The following PDE4D variants were observed in gnomAD, a reference collection of about 807,000 sequenced individuals.
PDE4D encodes phosphodiesterase 4D, also known as 3',5'-cyclic-AMP phosphodiesterase 4D.
A neutral mutation model predicts 87.4 loss-of-function variants in PDE4D; 24 were observed. That is an observed-to-expected ratio of 0.27 (90% CI 0.20 to 0.39). The LOEUF (loss-of-function observed/expected upper bound fraction) is 0.39. Ranked by LOEUF, PDE4D falls within the 10% of genes least tolerant of loss-of-function variation. The pLI, the probability that PDE4D is intolerant of heterozygous loss-of-function variation, is 1.00. For synonymous variants in PDE4D, 384 were observed against 383.2 expected (o/e 1.00, Z -0.02); for missense variants, 714 against 1,041.0 (o/e 0.69, Z 4.32).
intron 1 of PDE4D, among the ~76,000 whole-genome samples, chr5:59,456,973 C>A (rs957021142): frequency 2.6e-5 from 4 of 152,102 alleles, no homozygotes; most frequent in African/African-American, 9.7e-5. Flanking sequence ...AAGATGAAAT[C>A]TACTAATGGT....
At chr5:59,875,530 A>G (rs1316006628) in intron 1 of PDE4D, among the ~76,000 whole-genome samples, 2 of 150,194 alleles carry the variant, frequency 1.3e-5, no homozygotes, top group Non-Finnish European at 3.0e-5. Flanking sequence ...ACAGAGTGAG[A>G]ATTCCTCCTT....
At chr5:60,516,097 G>A (rs1163100117) in intron 1 of PDE4D, among the ~76,000 whole-genome samples, 47 of 152,170 alleles carry the variant, frequency 3.1e-4, no homozygotes, top group Non-Finnish European at 1.5e-5. Context: ...GATTAAGCCT[G>A]TTTTGTGAAT....
chr5:59,807,957 A>G (rs1489288387), intron 1 of PDE4D, among the ~76,000 whole-genome samples: 4 of 152,218 alleles, frequency 2.6e-5, no homozygotes, highest in Admixed American at 2.0e-4. Flanking sequence ...AATTTTAAGA[A>G]GCTCTTCAGA....
intron 5 of PDE4D, among the ~76,000 whole-genome samples, chr5:59,109,737 G>A (rs771621629): frequency 6.6e-6 from 1 of 152,152 alleles, no homozygotes; most frequent in Non-Finnish European, 1.5e-5. Context: ...GAGTCCAGAA[G>A]TAAGAGAAGT....
intron 2 of PDE4D, among the ~76,000 whole-genome samples, chr5:59,993,827 A>G (rs936104253): frequency 6.6e-6 from 1 of 152,082 alleles, no homozygotes; most frequent in Non-Finnish European, 1.5e-5. Flanking sequence ...TCAAAATAAA[A>G]GAAATGCTCA....
At chr5:59,402,534 A>C (rs536494935) in intron 1 of PDE4D, among the ~76,000 whole-genome samples, 13 of 152,298 alleles carry the variant, frequency 8.5e-5, no homozygotes, top group Admixed American at 7.8e-4. Context: ...TGTTAAACCT[A>C]TCAAAGATTA....
chr5:60,391,365 T>A (rs1185331415), intron 1 of PDE4D, among the ~76,000 whole-genome samples: 1 of 152,094 alleles, frequency 6.6e-6, no homozygotes, highest in Non-Finnish European at 1.5e-5. Context: ...CAAATTACCA[T>A]TAGTGGCATA....
At chr5:60,397,570 T>C (rs1013047014) in intron 1 of PDE4D, among the ~76,000 whole-genome samples, 3 of 152,158 alleles carry the variant, frequency 2.0e-5, no homozygotes, top group Non-Finnish European at 2.9e-5. Flanking sequence ...ATGGTTTCAC[T>C]CATATGTGAA....
chr5:60,213,910 A>ATGTATT (rs1397242786), intron 1 of PDE4D, among the ~76,000 whole-genome samples: 2 of 152,154 alleles, frequency 1.3e-5, no homozygotes, highest in Non-Finnish European at 2.9e-5. Context: ...AATCATCTTA[A>ATGTATT]TGTATTATAA....
intron 1 of PDE4D, among the ~76,000 whole-genome samples, chr5:59,237,975 T>A (rs1756845252): frequency 6.6e-6 from 1 of 152,172 alleles, no homozygotes; most frequent in Non-Finnish European, 1.5e-5. Flanking sequence ...GGAGGTTACA[T>A]TTATTCCTGA....
chr5:59,750,945 C>CAAAAA (rs34787047), intron 1 of PDE4D, among the ~76,000 whole-genome samples: 11 of 68,742 alleles, frequency 1.6e-4, no homozygotes, highest in African/African-American at 3.9e-4. Flanking sequence ...GACCCTGTCT[C>CAAAAA]AAAAAAAAAA....
At chr5:59,394,502 T>C (rs1185298072) in intron 1 of PDE4D, among the ~76,000 whole-genome samples, 1 of 152,196 alleles carries the variant, frequency 6.6e-6, no homozygotes, top group East Asian at 1.9e-4. Context: ...TGCAATGACA[T>C]TAGTATCAAT....
At chr5:59,235,118 A>G (rs1383559821) in intron 1 of PDE4D, among the ~76,000 whole-genome samples, 1 of 152,126 alleles carries the variant, frequency 6.6e-6, no homozygotes, top group Admixed American at 6.6e-5. Flanking sequence ...TAAATTTGCA[A>G]TGTAATTATG....
intron 2 of PDE4D, among the ~76,000 whole-genome samples, chr5:60,012,111 A>T (rs1765074002): frequency 6.6e-6 from 1 of 152,178 alleles, no homozygotes; most frequent in Non-Finnish European, 1.5e-5. Context: ...TATAAAAATG[A>T]ACAATAATAT....
intron 3 of PDE4D, among the ~76,000 whole-genome samples, chr5:59,945,683 G>A (rs567147903): frequency 6.6e-6 from 1 of 152,214 alleles, no homozygotes; most frequent in Admixed American, 6.5e-5. Context: ...ACCTTGATAA[G>A]ACATAAAAAT....
intron 3 of PDE4D, among the ~76,000 whole-genome samples, chr5:59,920,735 T>C (rs1561862338): frequency 6.6e-6 from 1 of 151,988 alleles, no homozygotes; most frequent in African/African-American, 2.4e-5. Context: ...CTGGAAACCA[T>C]CATTCTGAGC....
At chr5:59,237,782 G>GGTGTGT (rs61375269) in intron 1 of PDE4D, among the ~76,000 whole-genome samples, 53 of 29,474 alleles carry the variant, frequency 1.8e-3, no homozygotes, top group South Asian at 6.1e-3. Flanking sequence ...CCCTCATATA[G>GGTGTGT]GTGTGTGTGT....
chr5:60,063,046 A>G (rs1169494014), intron 2 of PDE4D, among the ~76,000 whole-genome samples: 1 of 150,736 alleles, frequency 6.6e-6, no homozygotes, highest in Non-Finnish European at 1.5e-5. Flanking sequence ...AGAAACCTGC[A>G]TGTTCTGTAT....
At chr5:59,355,899 C>T (rs897871637) in intron 1 of PDE4D, among the ~76,000 whole-genome samples, 5 of 152,072 alleles carry the variant, frequency 3.3e-5, no homozygotes, top group Non-Finnish European at 7.4e-5. Context: ...ATATATATTT[C>T]TACATAGGCT....
Sources: gnomAD v4.1 joint callset for allele counts (sites outside exome capture counted in the v4.1 genomes callset) on GRCh38, gnomAD v4.1.1 for gene constraint, MANE v1.5 for transcripts, NCBI Gene and HGNC (gene_info 2026-07-23, HGNC 2026-07-21) for gene names.